The following SLC4A10 variants were observed in gnomAD, a reference collection of about 807,000 sequenced individuals.
The protein encoded by SLC4A10 is solute carrier family 4 member 10.
In SLC4A10, 42 loss-of-function variants were observed where a neutral mutation model predicts 137.7. The observed-to-expected ratio is 0.30, with a 90% confidence interval of 0.24 to 0.39. The LOEUF (loss-of-function observed/expected upper bound fraction) is 0.39, where lower values mean the gene tolerates loss of function less well. SLC4A10 is among the 10% of genes least tolerant of loss of function. The pLI, the probability that SLC4A10 is intolerant of heterozygous loss-of-function variation, is 1.00. For synonymous variants in SLC4A10, 474 were observed against 464.1 expected (o/e 1.02, Z -0.27); for missense variants, 925 against 1,355.0 (o/e 0.68, Z 4.98).
intron 1 of SLC4A10, among the ~76,000 whole-genome samples, chr2:161,758,290 A>G (rs958012724): frequency 6.6e-6 from 1 of 151,934 alleles, no homozygotes; most frequent in African/African-American, 2.4e-5. Flanking sequence ...TAAATTAATT[A>G]TGTAAACACT....
intron 25 of SLC4A10, 104 bp from the exon 26 acceptor site, chr2:161,977,617 TG>T: frequency 1.1e-6 from 1 of 890,512 alleles, no homozygotes; most frequent in Non-Finnish European, 1.7e-6. Flanking sequence ...AGAGAGTGAT[TG>T]AGGGAATTGG....
chr2:161,963,672 G>A (rs1406367086), intron 21 of SLC4A10, among the ~76,000 whole-genome samples: 2 of 152,120 alleles, frequency 1.3e-5, no homozygotes, highest in African/African-American at 2.4e-5. Flanking sequence ...ACGTAGGTCC[G>A]TGAATCATTA....
At chr2:161,677,524 T>C (rs1283677043) in intron 1 of SLC4A10, among the ~76,000 whole-genome samples, 1 of 152,186 alleles carries the variant, frequency 6.6e-6, no homozygotes, top group Non-Finnish European at 1.5e-5. Context: ...TTCAAGAACA[T>C]ACTGCTACAG....
intron 10 of SLC4A10, among the ~76,000 whole-genome samples, chr2:161,890,688 G>T (rs1320601544): frequency 6.6e-6 from 1 of 152,192 alleles, no homozygotes; most frequent in African/African-American, 2.4e-5. Flanking sequence ...GTGTGTCTTT[G>T]CATGTGAGAG....
chr2:161,968,796 A>G (rs1698028162), intron 23 of SLC4A10, among the ~76,000 whole-genome samples: 1 of 152,232 alleles, frequency 6.6e-6, no homozygotes, highest in South Asian at 2.1e-4. Context: ...AATTAGTATT[A>G]AAAGAGTATG....
chr2:161,873,864 G>C (rs1443112691), intron 7 of SLC4A10, 52 bp from the exon 8 acceptor site: 2 of 1,541,180 alleles, frequency 1.3e-6, no homozygotes, highest in African/African-American at 1.4e-5. Context: ...GCCTGGCGGA[G>C]TCTCCGTGGG....
intron 1 of SLC4A10, among the ~76,000 whole-genome samples, chr2:161,654,537 C>G (rs1382511420): frequency 1.3e-5 from 2 of 152,020 alleles, no homozygotes; most frequent in Non-Finnish European, 2.9e-5. Context: ...GTCTTACATC[C>G]ATTTTGAGTA....
chr2:161,720,171 T>C (rs2045478012), intron 1 of SLC4A10, among the ~76,000 whole-genome samples: 1 of 152,248 alleles, frequency 6.6e-6, no homozygotes. Flanking sequence ...CCATTGCTTG[T>C]TTTTCTCAAG....
chr2:161,914,142 G>T (rs1042099975), intron 15 of SLC4A10, among the ~76,000 whole-genome samples: 1 of 152,092 alleles, frequency 6.6e-6, no homozygotes, highest in African/African-American at 2.4e-5. Context: ...AATTTGGTCA[G>T]CTCAGCACAT....
chr2:161,954,992 G>A (rs1340317119), intron 19 of SLC4A10, among the ~76,000 whole-genome samples: 2 of 152,134 alleles, frequency 1.3e-5, no homozygotes, highest in African/African-American at 2.4e-5. Context: ...TGACTCTCAA[G>A]GCCCCCTGTC....
chr2:161,859,722 T>A (rs2060321143), intron 5 of SLC4A10, among the ~76,000 whole-genome samples: 1 of 144,036 alleles, frequency 6.9e-6, no homozygotes, highest in Non-Finnish European at 1.5e-5. Context: ...TGCCTCAACC[T>A]CCCGAGTCGC....
At chr2:161,697,551 A>T (rs1393482044) in intron 1 of SLC4A10, among the ~76,000 whole-genome samples, 2 of 152,194 alleles carry the variant, frequency 1.3e-5, no homozygotes, top group East Asian at 3.8e-4. Context: ...AGCACCATTT[A>T]TTAAATAGGG....
intron 1 of SLC4A10, among the ~76,000 whole-genome samples, chr2:161,758,420 A>G (rs1257401366): frequency 1.3e-5 from 2 of 151,934 alleles, no homozygotes; most frequent in African/African-American, 4.8e-5. Context: ...AAAATCTTGA[A>G]GTTTCCCAAT....
chr2:161,902,138 A>G, intron 12 of SLC4A10: 1 of 456,002 alleles, frequency 2.2e-6, no homozygotes, highest in Admixed American at 2.4e-5. Context: ...GCTGGTGTAC[A>G]TCTGGGCTGC....
chr2:161,824,662 A>G lies in SLC4A10; in HGVS notation c.278-15127A>G, dbSNP rs549116338. On this transcript the variant is annotated intron_variant, in intron 3 of 26. Transcript: ENST00000446997. ...AAGCAGTGCCAGAAAACAAATTCAC[A>G]TTAGACAATCTGGCAGAAGAGTTAC... is the stretch of plus-strand genomic sequence containing the variant. Among the ~76,000 whole-genome samples the G allele has an allele frequency of 2.0e-5, 3 of 152,364 alleles. No individual in the cohort carries two copies. The South Asian group carries it at 6.2e-4, about 32-fold the overall frequency.
chr2:161,873,504 C>T (rs1279697489), intron 7 of SLC4A10, among the ~76,000 whole-genome samples: 4 of 122,044 alleles, frequency 3.3e-5, no homozygotes, highest in African/African-American at 6.4e-5. Flanking sequence ...GCACTCCAGC[C>T]TGGGTGACAG....
chr2:161,899,475 T>C (rs2063873405), intron 11 of SLC4A10, among the ~76,000 whole-genome samples: 1 of 152,086 alleles, frequency 6.6e-6, no homozygotes, highest in African/African-American at 2.4e-5. Context: ...ATCTCCACCA[T>C]GCTAAGTCCC....
At chr2:161,854,694 A>C (rs1488642637) in intron 4 of SLC4A10, among the ~76,000 whole-genome samples, 2 of 152,172 alleles carry the variant, frequency 1.3e-5, no homozygotes, top group Non-Finnish European at 2.9e-5. Flanking sequence ...CTGGTTAAAC[A>C]ATTATATTTA....
At chr2:161,842,525 C>A (rs1369609962) in intron 4 of SLC4A10, among the ~76,000 whole-genome samples, 1 of 151,482 alleles carries the variant, frequency 6.6e-6, no homozygotes, top group African/African-American at 2.4e-5. Context: ...TCATTATTTT[C>A]TTTATTTGCC....
Sources: allele counts gnomAD v4.1 joint callset (sites outside exome capture counted in the v4.1 genomes callset), GRCh38; gene constraint gnomAD v4.1.1; transcripts MANE v1.5; gene names NCBI Gene and HGNC (gene_info 2026-07-23, HGNC 2026-07-21).